The following ATP10D variants were observed in gnomAD, a reference collection of about 807,000 sequenced individuals.
ATP10D encodes phospholipid-transporting ATPase VD.
ATP10D carries 89 observed loss-of-function variants against 144.8 expected under a neutral mutation model. That is an observed-to-expected ratio of 0.61 (90% CI 0.52 to 0.73). The LOEUF (loss-of-function observed/expected upper bound fraction) is 0.73, where lower values mean the gene tolerates loss of function less well. Ranked by LOEUF, ATP10D falls within the 30% of genes least tolerant of loss-of-function variation. ATP10D has a pLI of 0.00. For synonymous variants in ATP10D, 571 were observed against 615.1 expected (o/e 0.93, Z 1.06); for missense variants, 1,603 against 1,714.8 (o/e 0.93, Z 1.15).
chr4:47,575,801 C>T (rs1720196509), intron 18 of ATP10D, among the ~76,000 whole-genome samples: 1 of 152,054 alleles, frequency 6.6e-6, no homozygotes, highest in South Asian at 2.1e-4. Context: ...ATTCTGGAGG[C>T]TGGAAATCCA....
intron 1 of ATP10D, among the ~76,000 whole-genome samples, chr4:47,496,612 A>G (rs1715389602): frequency 6.6e-6 from 1 of 152,220 alleles, no homozygotes; most frequent in South Asian, 2.1e-4. Flanking sequence ...TTCATTGAGC[A>G]TTATGAATAA....
intron 1 of ATP10D, among the ~76,000 whole-genome samples, chr4:47,490,212 A>C (rs1024664985): frequency 6.6e-6 from 1 of 152,216 alleles, no homozygotes; most frequent in Non-Finnish European, 1.5e-5. Flanking sequence ...AAATTATAAC[A>C]TCTCTTCTTC....
intron 1 of ATP10D, among the ~76,000 whole-genome samples, chr4:47,508,763 TTA>T (rs1716158067): frequency 6.6e-6 from 1 of 152,230 alleles, no homozygotes; most frequent in Non-Finnish European, 1.5e-5. Flanking sequence ...AATCTTGCTT[TTA>T]TATGTGTGTG....
At chr4:47,537,570 C>A (rs959177263) in intron 9 of ATP10D, among the ~76,000 whole-genome samples, 1 of 152,074 alleles carries the variant, frequency 6.6e-6, no homozygotes, top group African/African-American at 2.4e-5. Flanking sequence ...AATATGTAAC[C>A]AGCTATTTCT....
At chr4:47,525,265 A>G (rs1227065114) in intron 4 of ATP10D, among the ~76,000 whole-genome samples, 6 of 152,216 alleles carry the variant, frequency 3.9e-5, no homozygotes, top group Non-Finnish European at 1.5e-5. Context: ...TTATTGATAA[A>G]AAGGTGTTTA....
At chr4:47,497,343 T>C (rs185751194) in intron 1 of ATP10D, among the ~76,000 whole-genome samples, 654 of 152,162 alleles carry the variant, frequency 4.3e-3, no homozygotes, top group Non-Finnish European at 6.7e-3. Flanking sequence ...TAATCCCAGC[T>C]ACTCAGGAGG....
intron 16 of ATP10D, 148 bp downstream of exon 16, chr4:47,569,294 G>C (rs1053894052): frequency 1.1e-6 from 1 of 914,770 alleles, no homozygotes; most frequent in Non-Finnish European, 1.6e-6. Context: ...TCACCTATTT[G>C]AGCACCTTCC....
intron 19 of ATP10D, among the ~76,000 whole-genome samples, chr4:47,579,730 C>T (rs746827509): frequency 1.3e-5 from 2 of 152,162 alleles, no homozygotes; most frequent in African/African-American, 2.4e-5. Context: ...CATGTAGGAC[C>T]TTATAGGTCA....
At chr4:47,524,899 TATATCA>T (rs1204159334) in intron 4 of ATP10D, among the ~76,000 whole-genome samples, 10 of 152,094 alleles carry the variant, frequency 6.6e-5, no homozygotes, top group African/African-American at 2.4e-4. Flanking sequence ...TTAATTATGA[TATATCA>T]ATATCAATAG....
At chr4:47,516,175 A>G (rs1375709932) in intron 3 of ATP10D, among the ~76,000 whole-genome samples, 1 of 151,874 alleles carries the variant, frequency 6.6e-6, no homozygotes, top group East Asian at 1.9e-4. Flanking sequence ...GGTTGCAGTG[A>G]GCCGAGATCG....
At chr4:47,558,776 C>G (rs912651119) in intron 12 of ATP10D, 147 bp from the exon 13 acceptor site, 2 of 630,234 alleles carry the variant, frequency 3.2e-6, no homozygotes, top group African/African-American at 3.7e-5. Context: ...TCTGAGTGGT[C>G]CCTTTTACAG....
chr4:47,493,810 G>A (rs1222393828), intron 1 of ATP10D, among the ~76,000 whole-genome samples: 1 of 152,034 alleles, frequency 6.6e-6, no homozygotes, highest in African/African-American at 2.4e-5. Context: ...GGGAGGGGGC[G>A]GCAGGGAGGG....
chr4:47,542,863 C>T (rs1394267658), intron 9 of ATP10D, among the ~76,000 whole-genome samples: 1 of 152,176 alleles, frequency 6.6e-6, no homozygotes, highest in Admixed American at 6.5e-5. Flanking sequence ...ATTGTACTGA[C>T]TGAACAAGTT....
At chr4:47,520,843 T>G (rs968488833) in intron 3 of ATP10D, among the ~76,000 whole-genome samples, 1 of 152,122 alleles carries the variant, frequency 6.6e-6, no homozygotes, top group Non-Finnish European at 1.5e-5. Flanking sequence ...CTGGGATTAC[T>G]GGCATGAGCC....
chr4:47,515,701 A>T (rs767056951), intron 3 of ATP10D, 31 bp downstream of exon 3: 3 of 1,493,790 alleles, frequency 2.0e-6, no homozygotes, highest in Non-Finnish European at 2.8e-6. Flanking sequence ...GCTAAGGACT[A>T]TGTATGTATC....
intron 1 of ATP10D, among the ~76,000 whole-genome samples, chr4:47,492,574 T>G (rs907379913): frequency 2.0e-5 from 3 of 152,128 alleles, no homozygotes; most frequent in African/African-American, 7.2e-5. Context: ...ATATATGTGT[T>G]GAGACAGTTT....
At position 47,523,003 on chromosome 4, in the gene ATP10D, T is replaced by TA; in HGVS notation, c.486-7dup. On this transcript the variant is annotated splice_polypyrimidine_tract_variant and intron_variant, in intron 3 of 22. Transcript: ENST00000273859. Reference sequence around the variant, plus strand: ...TTCTTTTTTTTTTTTAACTTTTTTTTAATTACAGGAAAGAGAAAAAATACA... The same window carrying TA: ...TTCTTTTTTTTTTTTAACTTTTTTTTAAATTACAGGAAAGAGAAAAAATACA... The TA allele has an allele frequency of 6.3e-7, 1 of 1,580,492 alleles. No individual in the cohort carries two copies.
intron 2 of ATP10D, among the ~76,000 whole-genome samples, chr4:47,513,274 C>G (rs1419582942): frequency 6.6e-6 from 1 of 152,142 alleles, no homozygotes; most frequent in Non-Finnish European, 1.5e-5. Context: ...GAAACAGTGA[C>G]CTAATTCAAC....
chr4:47,574,153 C>G (rs1720105392), intron 18 of ATP10D, among the ~76,000 whole-genome samples: 1 of 152,200 alleles, frequency 6.6e-6, no homozygotes, highest in Non-Finnish European at 1.5e-5. Flanking sequence ...ACCTTCTCCC[C>G]TATTGTGGCA....
Sources: gnomAD v4.1 joint callset for allele counts (sites outside exome capture counted in the v4.1 genomes callset) on GRCh38, gnomAD v4.1.1 for gene constraint, MANE v1.5 for transcripts, NCBI Gene and HGNC (gene_info 2026-07-23, HGNC 2026-07-21) for gene names.